The following CACNA1E variants were observed in gnomAD, a reference collection of about 807,000 sequenced individuals.
The protein encoded by CACNA1E is voltage-dependent R-type calcium channel subunit alpha-1E.
In CACNA1E, 40 loss-of-function variants were observed where a neutral mutation model predicts 259.2. That is an observed-to-expected ratio of 0.15 (90% confidence interval 0.12 to 0.20). The LOEUF is 0.20. Among genes scored for constraint, CACNA1E ranks in the 10% least tolerant of loss-of-function variants. The pLI, the probability that CACNA1E is intolerant of heterozygous loss-of-function variation, is 1.00. For synonymous variants in CACNA1E, 1,104 were observed against 1,138.5 expected, an observed-to-expected ratio of 0.97 and a Z score of 0.61; for missense variants, 1,874 against 3,040.1, an observed-to-expected ratio of 0.62 and a Z score of 9.02.
At chr1:181,730,198 G>T (rs1432347542) in intron 18 of CACNA1E, among the ~76,000 whole-genome samples, 1 of 152,236 alleles carries the variant, frequency 6.6e-6, no homozygotes, top group Non-Finnish European at 1.5e-5. Flanking sequence ...AATTTGCCTA[G>T]CATGTTCTCC....
Position 181,776,211 on chromosome 1 carries a change from A to G in CACNA1E, c.5250A>G (p.Glu1750=). 1 of 1,614,024 alleles carries G rather than the reference A, an allele frequency of 6.2e-7. No homozygotes were observed. The highest frequency in any genetic ancestry group is 8.5e-7 in the Non-Finnish European group (1 of 1,179,884). ...ACGAGTTTGTCCGCGTCTGGGCAGA[A>G]TATGACCGAGCAGCATGGTGCGTAG... ...HLDEFVRVWA[E]YDRAACGRIH... The change falls in exon 38 of 48, where the codon GAA becomes GAG. Residue 1750 remains glutamate (E), a synonymous_variant. Coordinates refer to ENST00000367573, the MANE Select transcript of CACNA1E (RefSeq NM_001205293.3). This position sits in a 1 kb window ranked among gnomAD's most constrained non-coding sequence, Gnocchi z 4.4.
At chr1:181,728,482 T>C (rs780501833) in intron 18 of CACNA1E, among the ~76,000 whole-genome samples, 6 of 152,216 alleles carry the variant, frequency 3.9e-5, no homozygotes, top group Admixed American at 6.5e-5. Context: ...GCGTTGCTGG[T>C]GTGAGCCACC....
intron 6 of CACNA1E, among the ~76,000 whole-genome samples, chr1:181,650,034 TCAACTATACAGTGATAG>T (rs1270242766): frequency 1.3e-5 from 2 of 152,224 alleles, no homozygotes; most frequent in Non-Finnish European, 2.9e-5. Context: ...AATGGATGAA[TCAACTATACAGTGATAG>T]CTTCCATGAC....
intron 3 of CACNA1E, among the ~76,000 whole-genome samples, chr1:181,568,657 A>G (rs1022448490): frequency 2.6e-5 from 4 of 152,100 alleles, no homozygotes; most frequent in African/African-American, 9.7e-5. Flanking sequence ...GTGCAGTGGC[A>G]TGATCGTGAT....
intron 1 of CACNA1E, among the ~76,000 whole-genome samples, chr1:181,490,763 G>T (rs560431280): frequency 1.3e-3 from 192 of 152,286 alleles, no homozygotes; most frequent in Non-Finnish European, 1.7e-3. Context: ...TTAAAGGGGG[G>T]TGTCATCTTT....
intron 7 of CACNA1E, among the ~76,000 whole-genome samples, chr1:181,683,686 A>G (rs1261002787): frequency 2.0e-5 from 3 of 152,188 alleles, no homozygotes; most frequent in Non-Finnish European, 1.5e-5. Context: ...GAGAACATGC[A>G]GTATTTGGTT....
intron 6 of CACNA1E, among the ~76,000 whole-genome samples, chr1:181,635,450 C>G (rs149837502): frequency 1.6e-4 from 25 of 152,298 alleles, no homozygotes; most frequent in African/African-American, 5.3e-4. Context: ...CCCACTCAAC[C>G]TCAAGCTTTC....
chr1:181,593,784 G>A (rs552662267), intron 6 of CACNA1E, among the ~76,000 whole-genome samples: 60 of 152,118 alleles, frequency 3.9e-4, no homozygotes, highest in Non-Finnish European at 6.8e-4. Context: ...TGATCCCCCC[G>A]CCTCAGCCTC....
At chr1:181,592,561 G>T (rs1652765568) in intron 6 of CACNA1E, among the ~76,000 whole-genome samples, 2 of 151,664 alleles carry the variant, frequency 1.3e-5, no homozygotes, top group African/African-American at 2.4e-5. Flanking sequence ...TTTACAGAGG[G>T]TTTGCGTGTA....
intron 1 of CACNA1E, among the ~76,000 whole-genome samples, chr1:181,374,095 G>A (rs1489888374): frequency 6.6e-6 from 1 of 152,074 alleles, no homozygotes; most frequent in Non-Finnish European, 1.5e-5. Flanking sequence ...TATGATGTTA[G>A]GTTGTTAATT....
chr1:181,426,939 C>T (rs1659312905), intron 2 of CACNA1E, among the ~76,000 whole-genome samples: 1 of 147,346 alleles, frequency 6.8e-6, no homozygotes, highest in African/African-American at 2.5e-5. Context: ...TCAACCGCTG[C>T]CCATCTCAAC....
In CACNA1E at chr1:181,793,691, C is replaced by G. The variant is rs370795238; in HGVS notation, c.5925C>G (p.Ser1975Arg). Reference sequence around the variant, plus strand: ...AGCCAGAGGTTAGTGAATTAAAAAGCGTGCAGCCCTCTAACCATGGCATCT... The same window carrying G: ...AGCCAGAGGTTAGTGAATTAAAAAGGGTGCAGCCCTCTAACCATGGCATCT... ...SLEPEVSELK[S>R]VQPSNHGIYL... The change falls in exon 45 of 48, where the codon AGC (serine) becomes AGG (arginine). Residue 1975 changes from serine to arginine, a missense_variant. By Grantham distance (110) the Ser-to-Arg change is moderately radical. Transcript: ENST00000367573. 1 of 1,610,370 alleles carries G rather than the reference C, an allele frequency of 6.2e-7. No individual in the cohort carries two copies. Among genetic ancestry groups the G allele is most frequent in the Non-Finnish European group, 8.5e-7 (1 of 1,178,890 alleles).
chr1:181,564,434 C>A (rs1649619994), intron 3 of CACNA1E, among the ~76,000 whole-genome samples: 1 of 152,178 alleles, frequency 6.6e-6, no homozygotes, highest in Non-Finnish European at 1.5e-5. Context: ...TATGAGATTG[C>A]AGCAATTCAG....
chr1:181,495,642 G>C (rs1357619566), intron 1 of CACNA1E, among the ~76,000 whole-genome samples: 2 of 152,180 alleles, frequency 1.3e-5, no homozygotes, highest in Non-Finnish European at 2.9e-5. Flanking sequence ...AGTGCTGCCA[G>C]ATAATGTTTA....
chr1:181,577,685 T>C, intron 3 of CACNA1E, 81 bp from the exon 4 acceptor site: 1 of 873,230 alleles, frequency 1.1e-6, no homozygotes, highest in Non-Finnish European at 1.8e-6. Flanking sequence ...AGGCTGAGCT[T>C]GCCTCAGCCC....
intron 2 of CACNA1E, among the ~76,000 whole-genome samples, chr1:181,416,890 CA>C (rs1285676788): frequency 6.6e-6 from 1 of 152,134 alleles, no homozygotes; most frequent in African/African-American, 2.4e-5. Context: ...CTCTCTTCCC[CA>C]CGTCTTCAGC....
At chr1:181,733,162 T>C (rs1272563989) in intron 20 of CACNA1E, 128 bp downstream of exon 20, 4 of 1,337,454 alleles carry the variant, frequency 3.0e-6, no homozygotes, top group African/African-American at 1.5e-5. Context: ...ACACACACTT[T>C]GTGAGGTATG....
chr1:181,342,783 C>A (rs1223295395), intron 1 of CACNA1E, among the ~76,000 whole-genome samples: 1 of 152,184 alleles, frequency 6.6e-6, no homozygotes, highest in Non-Finnish European at 1.5e-5. Context: ...ATAGAGAACA[C>A]AAAGTGGGCT....
rs536570021 is a variant in CACNA1E, at chr1:181,723,474, C to T, written c.2075-996C>T. Among the ~76,000 whole-genome samples, 363 of 152,286 alleles carry T rather than the reference C, an allele frequency of 2.4e-3. 4 individuals carry two copies. Among genetic ancestry groups the T allele is most frequent in the African/African-American group, 8.4e-3 (347 of 41,552 alleles). ...TGCAGAAGACTTCTGTAACCAAATG[C>T]GTGGGTTTTTTTACTCACCAACAAG... On this transcript the variant is annotated intron_variant, in intron 16 of 47. Coordinates refer to ENST00000367573, the MANE Select transcript of CACNA1E (RefSeq NM_001205293.3).
Sources: allele counts gnomAD v4.1 joint callset (sites outside exome capture counted in the v4.1 genomes callset), GRCh38; gene constraint gnomAD v4.1.1; non-coding constraint Gnocchi (gnomAD v3.1); transcripts MANE v1.5; gene names NCBI Gene and HGNC (gene_info 2026-07-23, HGNC 2026-07-21).